Variants in TENM4 observed in about 807,000 individuals in gnomAD.
TENM4 encodes the protein teneurin transmembrane protein 4.
TENM4 carries 82 observed loss-of-function variants against 243.3 expected under a neutral mutation model. That is an observed-to-expected ratio of 0.34 (90% CI 0.28 to 0.40). TENM4 has a LOEUF of 0.40. Among genes scored for constraint, TENM4 ranks in the 10% least tolerant of loss-of-function variants. TENM4 has a pLI of 1.00. For synonymous variants in TENM4, 1,412 were observed against 1,456.3 expected, an observed-to-expected ratio of 0.97 and a Z score of 0.69; for missense variants, 3,138 against 3,673.3, an observed-to-expected ratio of 0.85 and a Z score of 3.77.
At chr11:78,939,987 T>C (rs1441098485) in intron 6 of TENM4, among the ~76,000 whole-genome samples, 1 of 151,292 alleles carries the variant, frequency 6.6e-6, no homozygotes, top group African/African-American at 2.4e-5. Context: ...CTAGAAAATA[T>C]ATAGAAGAAA....
At chr11:78,994,642 T>C (rs1858127659) in intron 6 of TENM4, among the ~76,000 whole-genome samples, 1 of 152,248 alleles carries the variant, frequency 6.6e-6, no homozygotes, top group Non-Finnish European at 1.5e-5. Flanking sequence ...GCTAGTCCAA[T>C]TCCAGTTATT....
At chr11:79,155,831 G>C (rs888283150) in intron 3 of TENM4, among the ~76,000 whole-genome samples, 37 of 151,046 alleles carry the variant, frequency 2.4e-4, no homozygotes, top group African/African-American at 7.3e-4. Context: ...TGAGATCTGG[G>C]ATATAAACAT....
At chr11:79,138,728 A>C (rs1360998765) in intron 4 of TENM4, among the ~76,000 whole-genome samples, 24 of 111,886 alleles carry the variant, frequency 2.1e-4, no homozygotes, top group African/African-American at 8.8e-4. Context: ...CATTATATTT[A>C]TATAAATACA....
chr11:79,269,056 G>T (rs533900894), intron 2 of TENM4, among the ~76,000 whole-genome samples: 1 of 152,294 alleles, frequency 6.6e-6, no homozygotes, highest in African/African-American at 2.4e-5. Flanking sequence ...TTTGATCAGA[G>T]GCTTACAGGA....
intron 32 of TENM4, among the ~76,000 whole-genome samples, chr11:78,666,898 G>T (rs1858171203): frequency 2.6e-5 from 4 of 152,146 alleles, no homozygotes; most frequent in Non-Finnish European, 5.9e-5. Flanking sequence ...TGTATATGGT[G>T]GTGTACAAAG....
intron 19 of TENM4, among the ~76,000 whole-genome samples, chr11:78,748,079 C>T (rs1160884303): frequency 1.3e-5 from 2 of 152,198 alleles, no homozygotes; most frequent in Non-Finnish European, 2.9e-5. Context: ...TACACAACTA[C>T]ACCGATGCTT....
intron 1 of TENM4, among the ~76,000 whole-genome samples, chr11:79,396,054 T>A (rs534572301): frequency 7.9e-5 from 12 of 152,348 alleles, no homozygotes; most frequent in Admixed American, 7.8e-4. Context: ...TTTATTTTCC[T>A]GGATGCACCT....
At chr11:79,114,307 C>T (rs1861572495) in intron 4 of TENM4, among the ~76,000 whole-genome samples, 1 of 152,134 alleles carries the variant, frequency 6.6e-6, no homozygotes, top group African/African-American at 2.4e-5. Context: ...AGCCAAGTGT[C>T]CACTGGCTAC....
chr11:78,889,877 T>C lies in TENM4; in HGVS notation c.992A>G (p.Lys331Arg). The C allele has an allele frequency of 6.4e-7, 1 of 1,551,744 alleles. No individual in the cohort carries two copies. The change falls in exon 9 of 34, where the codon AAG becomes AGG. Residue 331 changes from lysine (K) to arginine (R), a missense_variant. Physicochemically the swap from Lys to Arg is conservative, Grantham distance 26 (BLOSUM62 2). Around this residue, in one of 2 missense-constraint regions of TENM4, gnomAD observed 671 missense variants for 614.1 expected, o/e 1.09. Transcript: ENST00000278550. ...STFARPAFNL[K>R]KPSKYCNWKC... ...CCAGTTACAGTACTTGGAGGGCTTC[T>C]TGAGGTTAAAGGCCGGCCGGGCGAA...
intron 9 of TENM4, among the ~76,000 whole-genome samples, chr11:78,864,411 G>A (rs1347604641): frequency 2.4e-5 from 3 of 125,628 alleles, no homozygotes; most frequent in African/African-American, 1.0e-4. Flanking sequence ...TCCAGCCTGG[G>A]CGACAGAGCG....
At chr11:78,926,656 TTAAAAA>T (rs1257885764) in intron 6 of TENM4, among the ~76,000 whole-genome samples, 4 of 150,394 alleles carry the variant, frequency 2.7e-5, no homozygotes, top group Non-Finnish European at 5.9e-5. Flanking sequence ...TTAGAAATAA[TTAAAAA>T]TAAAGGTGTT....
chr11:78,964,036 CTTTTTTTTTT>C (rs1002218964), intron 6 of TENM4, among the ~76,000 whole-genome samples: 3 of 109,398 alleles, frequency 2.7e-5, no homozygotes, highest in Non-Finnish European at 5.5e-5. Flanking sequence ...CACACCCAGA[CTTTTTTTTTT>C]TTTTTTTTTT....
intron 6 of TENM4, among the ~76,000 whole-genome samples, chr11:79,045,029 G>A (rs1465551718): frequency 2.0e-5 from 3 of 152,138 alleles, no homozygotes; most frequent in African/African-American, 7.2e-5. Context: ...CAACCCTCGT[G>A]ACTACCTGGT....
intron 2 of TENM4, among the ~76,000 whole-genome samples, chr11:79,273,071 C>T (rs2135348414): frequency 6.6e-6 from 1 of 152,270 alleles, no homozygotes; most frequent in African/African-American, 2.4e-5. Context: ...GTCAGTCAGG[C>T]CTTGGTTCAA....
chr11:78,967,823 G>A (rs1458365261), intron 6 of TENM4, among the ~76,000 whole-genome samples: 1 of 152,222 alleles, frequency 6.6e-6, no homozygotes, highest in Non-Finnish European at 1.5e-5. Context: ...GACCAGTGAA[G>A]GTGGAGGGGA....
intron 1 of TENM4, among the ~76,000 whole-genome samples, chr11:79,347,254 AC>A (rs1857340493): frequency 6.6e-6 from 1 of 151,884 alleles, no homozygotes; most frequent in Non-Finnish European, 1.5e-5. Context: ...TCAGCCTCTT[AC>A]CCCCATACCC....
intron 3 of TENM4, among the ~76,000 whole-genome samples, chr11:79,173,384 G>A (rs1431569514): frequency 6.6e-6 from 1 of 152,088 alleles, no homozygotes; most frequent in East Asian, 1.9e-4. Context: ...ATTCTCGGTT[G>A]AGTCTCAATT....
chr11:78,658,805 C>T lies in TENM4; in HGVS notation c.7563G>A (p.Gly2521=). Residue 2521 remains glycine (G), a synonymous_variant, in exon 34 of 34, where the codon GGG becomes GGA. Coordinates refer to ENST00000278550, the MANE Select transcript of TENM4 (RefSeq NM_001098816.3). ...QEWDNSKSIL[G]VQCEVQKQLK... is the part of the protein sequence containing the mutation. ...GCTGCTTCTGTACTTCACACTGTAC[C>T]CCGAGGATAGACTGATGGGGGAGGA... 1 of 1,609,836 alleles carries T rather than the reference C, an allele frequency of 6.2e-7. No individual in the cohort carries two copies. The highest frequency in any genetic ancestry group is 1.1e-5 in the South Asian group (1 of 90,992).
At chr11:78,895,124 A>G (rs1855761652) in intron 7 of TENM4, among the ~76,000 whole-genome samples, 1 of 151,888 alleles carries the variant, frequency 6.6e-6, no homozygotes, top group African/African-American at 2.4e-5. Flanking sequence ...CAGGTGGATC[A>G]TGAGGTCAGG....
Sources: allele counts gnomAD v4.1 joint callset (sites outside exome capture counted in the v4.1 genomes callset), GRCh38; gene constraint gnomAD v4.1.1; regional missense constraint gnomAD v4.1.1; transcripts MANE v1.5; gene names NCBI Gene and HGNC (gene_info 2026-07-23, HGNC 2026-07-21).